Variants in RBM44 observed in about 807,000 individuals in gnomAD.
The protein encoded by RBM44 is RNA-binding protein 44.
In RBM44, 66 loss-of-function variants were observed where a neutral mutation model predicts 105.1. That is an observed-to-expected ratio of 0.63 (90% CI 0.52 to 0.77). RBM44 has a LOEUF of 0.77. Ranked by LOEUF, RBM44 falls within the 30% of genes least tolerant of loss-of-function variation. The probability of loss-of-function intolerance (pLI) is 0.00; values close to 1 mark genes in which losing one functional copy is unlikely to be tolerated. For synonymous variants in RBM44, 365 were observed against 417.6 expected, an observed-to-expected ratio of 0.87 and a Z score of 1.54; for missense variants, 1,122 against 1,207.8, an observed-to-expected ratio of 0.93 and a Z score of 1.05.
At chr2:237,820,074 G>C (rs1005869361) in intron 4 of RBM44, 101 bp from the exon 5 acceptor site, 33 of 587,644 alleles carry the variant, frequency 5.6e-5, no homozygotes, top group Admixed American at 1.6e-4. Context: ...ATTTAAACTT[G>C]ACAGGGAAAT....
intron 4 of RBM44, among the ~76,000 whole-genome samples, chr2:237,819,252 C>G (rs762440124): frequency 2.0e-5 from 3 of 152,014 alleles, no homozygotes; most frequent in Non-Finnish European, 2.9e-5. Context: ...CTTTATTCAC[C>G]TGTAGGCCAG....
intron 1 of RBM44, among the ~76,000 whole-genome samples, chr2:237,805,392 TG>T (rs1199756711): frequency 6.6e-6 from 1 of 152,060 alleles, no homozygotes; most frequent in Admixed American, 6.6e-5. Flanking sequence ...GAATAAATAT[TG>T]TAAAAATGGC....
intron 1 of RBM44, among the ~76,000 whole-genome samples, chr2:237,807,338 C>T (rs545810990): frequency 6.6e-5 from 10 of 152,226 alleles, no homozygotes; most frequent in East Asian, 1.9e-4. Context: ...TTAGTAGAGA[C>T]GGAGTTTCAC....
At chr2:237,811,555 C>G (rs1375381807) in intron 1 of RBM44, among the ~76,000 whole-genome samples, 1 of 152,074 alleles carries the variant, frequency 6.6e-6, no homozygotes, top group Non-Finnish European at 1.5e-5. Flanking sequence ...CAGGCATGAG[C>G]CACCGTGCCC....
intron 10 of RBM44, among the ~76,000 whole-genome samples, chr2:237,825,228 T>C (rs1394458491): frequency 6.6e-6 from 1 of 151,982 alleles, no homozygotes; most frequent in African/African-American, 2.4e-5. Flanking sequence ...TTGTTGTTGT[T>C]TGTTTGTTTT....
chr2:237,818,440 T>C lies in RBM44; in HGVS notation c.1521T>C (p.Pro507=). The C allele has an allele frequency of 6.2e-7, 1 of 1,613,052 alleles. No individual in the cohort carries two copies. Among genetic ancestry groups the C allele is most frequent in the Non-Finnish European group, 8.5e-7 (1 of 1,179,498 alleles). ...TEITMMNKKR[P]DEWQNEKQKS... is the part of the protein sequence containing the mutation. The stretch of plus-strand genomic sequence containing the variant: ...TAACAATGATGAATAAAAAACGACC[T>C]GATGAATGGCAAAATGAGAAACAAA... Residue 507 remains proline (P), a synonymous_variant, in exon 3 of 16, where the codon CCT becomes CCC. Transcript: ENST00000316997. This position sits in a 1 kb window ranked among gnomAD's most constrained non-coding sequence, Gnocchi z 4.6.
chr2:237,812,349 A>C (rs2061668440), intron 1 of RBM44, among the ~76,000 whole-genome samples: 1 of 152,134 alleles, frequency 6.6e-6, no homozygotes, highest in African/African-American at 2.4e-5. Context: ...AGCTTTATTT[A>C]ATAATAAGCA....
chr2:237,838,202 C>T (rs2061978185), intron 15 of RBM44, among the ~76,000 whole-genome samples: 1 of 152,124 alleles, frequency 6.6e-6, no homozygotes, highest in South Asian at 2.1e-4. Flanking sequence ...GAAAGTTTAC[C>T]TTAAGAGTGC....
At chr2:237,834,536 CA>C (rs2061937671) in intron 15 of RBM44, 113 bp downstream of exon 15, 1 of 508,062 alleles carries the variant, frequency 2.0e-6, no homozygotes, top group East Asian at 4.7e-5. Flanking sequence ...AATATAATCA[CA>C]AAATAATATG....
At chr2:237,824,983 A>AT (rs1420201913) in intron 10 of RBM44, among the ~76,000 whole-genome samples, 2 of 149,218 alleles carry the variant, frequency 1.3e-5, no homozygotes, top group Admixed American at 6.7e-5. Flanking sequence ...TTTTTCTTTT[A>AT]TTTTCCATAT....
intron 1 of RBM44, among the ~76,000 whole-genome samples, chr2:237,806,793 C>T (rs1235012356): frequency 6.6e-6 from 1 of 152,158 alleles, no homozygotes; most frequent in Non-Finnish European, 1.5e-5. Context: ...CATGCCTTGA[C>T]CTTAATGTAT....
chr2:237,815,131 C>T (rs547817333), intron 2 of RBM44, among the ~76,000 whole-genome samples: 3 of 152,032 alleles, frequency 2.0e-5, no homozygotes, highest in African/African-American at 7.2e-5. Flanking sequence ...GGCAACATAG[C>T]AAGACCCTGT....
rs1013845463 is a variant in RBM44, at chr2:237,803,665, C to A, written c.-19+4804C>A. Among the ~76,000 whole-genome samples, 1 of 152,080 alleles carries A rather than the reference C, an allele frequency of 6.6e-6. No homozygotes were observed. The highest frequency in any genetic ancestry group is 2.4e-5 in the African/African-American group (1 of 41,396). On this transcript the variant is annotated intron_variant, in intron 1 of 15. Transcript: ENST00000316997. This position sits in a 1 kb window ranked among gnomAD's most constrained non-coding sequence, Gnocchi z 4.2. Reference sequence around the variant, plus strand: ...CCAATCAACAACTTTTAAATCAACACCTTTTGTGTTCTAAGAAATCTTTGC... The same window carrying A: ...CCAATCAACAACTTTTAAATCAACAACTTTTGTGTTCTAAGAAATCTTTGC...
intron 15 of RBM44, among the ~76,000 whole-genome samples, chr2:237,835,574 A>G (rs2061951000): frequency 6.6e-6 from 1 of 152,080 alleles, no homozygotes; most frequent in Non-Finnish European, 1.5e-5. Flanking sequence ...TATTGCTGAT[A>G]TGGTGAAAAT....
intron 13 of RBM44, among the ~76,000 whole-genome samples, chr2:237,832,377 C>T (rs2061912784): frequency 6.6e-6 from 1 of 152,174 alleles, no homozygotes; most frequent in Non-Finnish European, 1.5e-5. Context: ...TGGTCTCAAA[C>T]TCCTGTCCTC....
chr2:237,836,192 G>A (rs368772845), intron 15 of RBM44, among the ~76,000 whole-genome samples: 13 of 152,238 alleles, frequency 8.5e-5, no homozygotes, highest in Non-Finnish European at 1.6e-4. Flanking sequence ...CTCATTTACC[G>A]TTCTGAAAAT....
intron 13 of RBM44, among the ~76,000 whole-genome samples, chr2:237,831,730 A>G (rs981230028): frequency 6.6e-6 from 1 of 152,080 alleles, no homozygotes; most frequent in Non-Finnish European, 1.5e-5. Flanking sequence ...GTGACCTTTT[A>G]TTTGTCTTTC....
At chr2:237,839,348 A>T (rs934447598) in intron 15 of RBM44, among the ~76,000 whole-genome samples, 4 of 152,084 alleles carry the variant, frequency 2.6e-5, no homozygotes, top group Non-Finnish European at 4.4e-5. Context: ...ATCTCAGCTC[A>T]CTGCAACCTC....
intron 15 of RBM44, among the ~76,000 whole-genome samples, chr2:237,837,669 T>G (rs1391546910): frequency 6.6e-6 from 1 of 151,768 alleles, no homozygotes; most frequent in Non-Finnish European, 1.5e-5. Context: ...AGTGCTCTCT[T>G]TTTTTATTAT....
Sources: gnomAD v4.1 joint callset for allele counts (sites outside exome capture counted in the v4.1 genomes callset) on GRCh38, gnomAD v4.1.1 for gene constraint, Gnocchi (gnomAD v3.1) non-coding constraint, MANE v1.5 for transcripts, NCBI Gene and HGNC (gene_info 2026-07-23, HGNC 2026-07-21) for gene names.